RLN2: variants seen among roughly 807,000 people sequenced by gnomAD.
RLN2 encodes prorelaxin H2.
Under a neutral mutation model 7.3 loss-of-function variants are expected in RLN2, and 10 were observed. That is an observed-to-expected ratio of 1.36 (90% confidence interval 0.84 to 2.31). The LOEUF is 2.31. Ranked by LOEUF, RLN2 falls within the 30% of genes most tolerant of loss-of-function variation. The pLI, the probability that RLN2 is intolerant of heterozygous loss-of-function variation, is 0.00. For synonymous variants in RLN2, 103 were observed against 82.3 expected, an observed-to-expected ratio of 1.25 and a Z score of -1.36; for missense variants, 298 against 217.6, an observed-to-expected ratio of 1.37 and a Z score of -2.32.
At chr9:5,329,389 C>T in the RLN2 span, among the ~76,000 whole-genome samples, 3 of 149,166 alleles carry the variant, frequency 2.0e-5, no homozygotes, top group Non-Finnish European at 4.4e-5. Flanking sequence ...ATGATGGGAT[C>T]AAATTTAAAC....
chr9:5,314,341 G>A, the RLN2 span, among the ~76,000 whole-genome samples: 3 of 151,964 alleles, frequency 2.0e-5, no homozygotes, highest in Non-Finnish European at 4.4e-5. Flanking sequence ...CAGTGGAGAT[G>A]CTCCACCCAC....
chr9:5,325,935 A>T, the RLN2 span, among the ~76,000 whole-genome samples: 1 of 152,024 alleles, frequency 6.6e-6, no homozygotes, highest in Non-Finnish European at 1.5e-5. Flanking sequence ...AAATCCATGT[A>T]ACACACTGGA....
Position 5,300,054 on chromosome 9 carries a change from A to C in RLN2, c.*44T>G, listed in dbSNP as rs1475211892. On this transcript the variant is annotated 3_prime_UTR_variant, in exon 2 of 2. Coordinates refer to ENST00000381627, the MANE Select transcript of RLN2 (RefSeq NM_134441.3). ...GAAGCATCAGTGAAATGTCATTAAG[A>C]ATATGTGTGAATATTATACGAGATG... 2.5e-6 allele frequency: 3 copies of C among 1,216,198 alleles called. No homozygotes were observed. In the Admixed American group the frequency reaches 6.6e-5, roughly 27 times the overall value. 75.3% of individuals were successfully genotyped at this position (1,216,198 alleles called of 1,614,324 possible).
At chr9:5,335,699 C>A in the RLN2 span, 1 of 697,806 alleles carries the variant, frequency 1.4e-6, no homozygotes, top group African/African-American at 1.8e-5. Context: ...GAAAGCATTG[C>A]CTCAATATAA....
chr9:5,300,884 G>T (rs1391200381), intron 1 of RLN2, among the ~76,000 whole-genome samples: 1 of 152,122 alleles, frequency 6.6e-6, no homozygotes, highest in Non-Finnish European at 1.5e-5. Context: ...CCTTGAAAAA[G>T]ATATTACTTT....
chr9:5,309,750 T>C, the RLN2 span, among the ~76,000 whole-genome samples: 1 of 152,018 alleles, frequency 6.6e-6, no homozygotes, highest in Admixed American at 6.5e-5. Flanking sequence ...CTGTGAGCTC[T>C]TTGGGGGCAG....
chr9:5,311,370 G>A, the RLN2 span: 1 of 452,152 alleles, frequency 2.2e-6, no homozygotes, highest in Admixed American at 3.4e-5. Context: ...AGCTGATAGG[G>A]AAAACAGCCG....
At chr9:5,332,194 G>A in the RLN2 span, among the ~76,000 whole-genome samples, 1 of 151,976 alleles carries the variant, frequency 6.6e-6, no homozygotes, top group African/African-American at 2.4e-5. Flanking sequence ...AAGACTCACA[G>A]TGGTGTGCAG....
chr9:5,302,092 C>A (rs1236944385), intron 1 of RLN2, among the ~76,000 whole-genome samples: 1 of 152,076 alleles, frequency 6.6e-6, no homozygotes, highest in African/African-American at 2.4e-5. Flanking sequence ...ATACTTAAAG[C>A]CAGTTAAATG....
the RLN2 span, among the ~76,000 whole-genome samples, chr9:5,317,138 A>C: frequency 6.6e-6 from 1 of 152,024 alleles, no homozygotes; most frequent in East Asian, 1.9e-4. Context: ...AAAATCACAA[A>C]GATAAACAAC....
chr9:5,306,542 ACCC>A (rs1476432847), upstream of RLN2, among the ~76,000 whole-genome samples: 1 of 152,064 alleles, frequency 6.6e-6, no homozygotes, highest in Non-Finnish European at 1.5e-5. Context: ...ATGTGGGCTT[ACCC>A]TACTGCTAAG....
chr9:5,315,321 T>C, the RLN2 span, among the ~76,000 whole-genome samples: 4 of 148,238 alleles, frequency 2.7e-5, no homozygotes, highest in Admixed American at 1.3e-4. Context: ...AAAAATACAA[T>C]AGAAAGCTTC....
At chr9:5,316,921 G>A in the RLN2 span, among the ~76,000 whole-genome samples, 1 of 152,010 alleles carries the variant, frequency 6.6e-6, no homozygotes, top group Admixed American at 6.6e-5. Flanking sequence ...GTAAAAATAT[G>A]TAAATTGTGA....
At chr9:5,331,801 G>C in the RLN2 span, among the ~76,000 whole-genome samples, 1 of 152,018 alleles carries the variant, frequency 6.6e-6, no homozygotes, top group South Asian at 2.1e-4. Flanking sequence ...ATGTACCCTA[G>C]AACTTAAAGT....
chr9:5,337,979 A>G, the RLN2 span, among the ~76,000 whole-genome samples: 6 of 151,894 alleles, frequency 4.0e-5, no homozygotes, highest in Admixed American at 1.3e-4. Context: ...GATAATAACA[A>G]TGTGAGAAAC....
At chr9:5,314,715 C>T in the RLN2 span, among the ~76,000 whole-genome samples, 2 of 151,996 alleles carry the variant, frequency 1.3e-5, no homozygotes, top group East Asian at 3.9e-4. Context: ...GCACTGCTCC[C>T]TTCCTTCCAG....
chr9:5,313,263 T>C, the RLN2 span, among the ~76,000 whole-genome samples: 7 of 152,100 alleles, frequency 4.6e-5, no homozygotes, highest in Non-Finnish European at 1.0e-4. Context: ...TGATGTTGAA[T>C]GCATATGTAT....
At chr9:5,319,623 T>C in the RLN2 span, among the ~76,000 whole-genome samples, 1 of 151,996 alleles carries the variant, frequency 6.6e-6, no homozygotes, top group African/African-American at 2.4e-5. Flanking sequence ...AACTATAAAA[T>C]GAATCTCCTC....
chr9:5,317,999 T>TGTGTGC, the RLN2 span, among the ~76,000 whole-genome samples: 1 of 133,736 alleles, frequency 7.5e-6, no homozygotes, highest in African/African-American at 3.3e-5. Flanking sequence ...AAACTATGTG[T>TGTGTGC]GTGTGTGCGT....
Sources: gnomAD v4.1 joint callset for allele counts (sites outside exome capture counted in the v4.1 genomes callset) on GRCh38, gnomAD v4.1.1 for gene constraint, MANE v1.5 for transcripts, NCBI Gene and HGNC (gene_info 2026-07-23, HGNC 2026-07-21) for gene names.